The following ERC1 variants were observed in gnomAD, a reference collection of about 807,000 sequenced individuals.
ERC1 encodes the protein RAB6 interacting protein 2.
ERC1 carries 56 observed loss-of-function variants against 132.0 expected under a neutral mutation model. The ratio of observed to expected loss-of-function variants is 0.42; its 90% CI spans 0.34 to 0.53. The LOEUF is 0.53. Among genes scored for constraint, ERC1 ranks in the 20% least tolerant of loss-of-function variants. The pLI is 0.03. For missense variants in ERC1, 1,202 were observed against 1,349.9 expected, an observed-to-expected ratio of 0.89 and a Z score of 1.72; for synonymous variants, 478 against 476.1, an observed-to-expected ratio of 1.00 and a Z score of -0.05.
At chr12:1,384,429 T>C (rs1380169634) in intron 16 of ERC1, among the ~76,000 whole-genome samples, 2 of 152,344 alleles carry the variant, frequency 1.3e-5, no homozygotes, top group African/African-American at 4.8e-5. Context: ...TTGGAAATAA[T>C]TTTGTTATTA....
chr12:1,342,186 C>T (rs191487394), intron 15 of ERC1, among the ~76,000 whole-genome samples: 15 of 151,986 alleles, frequency 9.9e-5, no homozygotes, highest in Non-Finnish European at 1.6e-4. Context: ...TAATGCGGGC[C>T]GGGTGCGGTG....
chr12:1,113,422 G>A (rs1022052192), intron 6 of ERC1, among the ~76,000 whole-genome samples: 15 of 152,192 alleles, frequency 9.9e-5, no homozygotes, highest in Non-Finnish European at 4.4e-5. Flanking sequence ...GTTTTATACA[G>A]GCAGTCTTCT....
At chr12:1,455,439 C>T (rs546105210) in intron 18 of ERC1, among the ~76,000 whole-genome samples, 4 of 152,300 alleles carry the variant, frequency 2.6e-5, no homozygotes, top group South Asian at 2.1e-4. Context: ...AGGATGCTCC[C>T]GTATCTGACC....
intron 2 of ERC1, among the ~76,000 whole-genome samples, chr12:1,046,007 G>A (rs1039548440): frequency 2.1e-4 from 32 of 152,068 alleles, no homozygotes; most frequent in Admixed American, 6.5e-4. Flanking sequence ...TTCTTGTTTT[G>A]ATTAGGCAGG....
intron 3 of ERC1, among the ~76,000 whole-genome samples, chr12:1,103,908 A>G (rs1393311490): frequency 6.6e-6 from 1 of 152,158 alleles, no homozygotes; most frequent in Non-Finnish European, 1.5e-5. Flanking sequence ...CTAGGTGGAT[A>G]GTTAAAGCTG....
rs1216131848 is a variant in ERC1, at chr12:1,334,116, T to C, written c.2781-37717T>C. On this transcript the variant is annotated intron_variant, in intron 15 of 18. Coordinates refer to ENST00000360905, the MANE Select transcript of ERC1 (RefSeq NM_178040.4). Reference sequence around the variant, plus strand: ...GGGGTTGTTTTTTTCTTGTTTAAGCTCTTTATGGATCCTGGATATTAGACC... The same window carrying C: ...GGGGTTGTTTTTTTCTTGTTTAAGCCCTTTATGGATCCTGGATATTAGACC... 2.0e-5 allele frequency among the ~76,000 whole-genome samples: 3 copies of C among 152,188 alleles called. No homozygotes were observed. The East Asian group carries it at 5.8e-4, about 29-fold the overall frequency.
intron 18 of ERC1, among the ~76,000 whole-genome samples, chr12:1,481,236 T>A (rs921744322): frequency 6.6e-6 from 1 of 152,036 alleles, no homozygotes; most frequent in Non-Finnish European, 1.5e-5. Context: ...CGCCGCCGTA[T>A]TTTAGTATAA....
rs1035937010 is a variant in ERC1, at chr12:1,295,894, A to G, written c.2780+5882A>G. ...ATTAACAGAACCATATTTGCAATAT[A>G]TCCCATGTTGAACTTTTAATTACCA... On this transcript the variant is annotated intron_variant, in intron 15 of 18. Coordinates refer to ENST00000360905, the MANE Select transcript of ERC1 (RefSeq NM_178040.4). Among the ~76,000 whole-genome samples, 3 of 152,156 alleles carry G rather than the reference A, an allele frequency of 2.0e-5. 1 individual carries two copies. The highest frequency in any genetic ancestry group is 2.0e-4 in the Admixed American group (3 of 15,272).
intron 1 of ERC1, among the ~76,000 whole-genome samples, chr12:1,021,033 G>A (rs549739272): frequency 1.3e-4 from 20 of 152,226 alleles, no homozygotes; most frequent in African/African-American, 4.3e-4. Flanking sequence ...TCCACCTCCC[G>A]GGTTCAAGCG....
chr12:1,020,751 G>C (rs1966234513), intron 1 of ERC1: 1 of 152,152 alleles, frequency 6.6e-6, no homozygotes, highest in Non-Finnish European at 1.5e-5. Context: ...GAGTGACGAA[G>C]ACAGAAGCCC....
At chr12:1,468,676 G>T (rs533879331) in intron 18 of ERC1, among the ~76,000 whole-genome samples, 1 of 152,136 alleles carries the variant, frequency 6.6e-6, no homozygotes, top group East Asian at 1.9e-4. Flanking sequence ...AGGAAAGAAA[G>T]AGCCTGCAGG....
intron 7 of ERC1, among the ~76,000 whole-genome samples, chr12:1,125,686 G>A (rs1376049216): frequency 3.3e-5 from 5 of 152,016 alleles, no homozygotes; most frequent in African/African-American, 7.2e-5. Context: ...ACGGTGGTGC[G>A]CACCTGTAAT....
intron 18 of ERC1, among the ~76,000 whole-genome samples, chr12:1,470,559 C>T (rs1565501543): frequency 6.6e-6 from 1 of 151,858 alleles, no homozygotes; most frequent in Non-Finnish European, 1.5e-5. Context: ...ATTCCCAGAG[C>T]CCTGCTGCTG....
chr12:1,127,426 T>C (rs1476689520), intron 7 of ERC1, among the ~76,000 whole-genome samples: 1 of 152,092 alleles, frequency 6.6e-6, no homozygotes, highest in Admixed American at 6.6e-5. Flanking sequence ...GTATTGTGGA[T>C]ATGTACCATG....
At chr12:1,434,913 G>T (rs186501714) in intron 17 of ERC1, among the ~76,000 whole-genome samples, 127 of 152,356 alleles carry the variant, frequency 8.3e-4, no homozygotes, top group South Asian at 1.9e-3. Context: ...ATGACCGTCA[G>T]AGTTTGTGTT....
intron 4 of ERC1, among the ~76,000 whole-genome samples, chr12:1,109,938 C>CTT (rs1345237783): frequency 6.6e-6 from 1 of 152,172 alleles, no homozygotes; most frequent in Non-Finnish European, 1.5e-5. Context: ...ATCCCAGCTA[C>CTT]TTGGGAGGCT....
chr12:1,265,460 G>A, intron 14 of ERC1, among the ~76,000 whole-genome samples: 1 of 152,286 alleles, frequency 6.6e-6, no homozygotes, highest in Admixed American at 6.5e-5. Flanking sequence ...AAATTGAGCA[G>A]AAAGTGCAAA....
intron 2 of ERC1, among the ~76,000 whole-genome samples, chr12:1,045,777 GT>G (rs1402965920): frequency 6.6e-6 from 1 of 152,106 alleles, no homozygotes; most frequent in Admixed American, 6.6e-5. Context: ...TTTATTAAAT[GT>G]AAAAGATGGC....
In ERC1 at chr12:1,492,448, TGGCACG is replaced by T. The variant is rs1431952122; in HGVS notation, c.*2224_*2229del. On this transcript the variant is annotated 3_prime_UTR_variant, in exon 19 of 19. Coordinates refer to ENST00000360905, the MANE Select transcript of ERC1 (RefSeq NM_178040.4). ...CGAGGCCATGCCTAAACAAGTGGTCTGGCACGGGCACTGGCCAGCTGCTCTCTCCAA... is the reference window on the plus strand; with the variant it reads ...CGAGGCCATGCCTAAACAAGTGGTCTGGCACTGGCCAGCTGCTCTCTCCAA... 1.3e-5 allele frequency: 3 copies of T among 233,152 alleles called. No homozygotes were observed. The highest frequency in any genetic ancestry group is 2.5e-5 in the Non-Finnish European group (3 of 118,050). 14.4% of individuals were successfully genotyped at this position (233,152 alleles called of 1,614,324 possible).
Sources: allele counts gnomAD v4.1 joint callset (sites outside exome capture counted in the v4.1 genomes callset), GRCh38; gene constraint gnomAD v4.1.1; transcripts MANE v1.5; gene names NCBI Gene and HGNC (gene_info 2026-07-23, HGNC 2026-07-21).